The following HIPK2 variants were observed in gnomAD, a reference collection of about 807,000 sequenced individuals.
HIPK2 encodes the protein homeodomain interacting protein kinase 2, also known as homeodomain-interacting protein kinase 2.
In HIPK2, 27 loss-of-function variants were observed where a neutral mutation model predicts 113.7. The observed-to-expected ratio is 0.24, with a 90% CI of 0.17 to 0.33. The LOEUF (loss-of-function observed/expected upper bound fraction) is 0.33, where lower values mean the gene tolerates loss of function less well. Ranked by LOEUF, HIPK2 falls within the 10% of genes least tolerant of loss-of-function variation. HIPK2 has a pLI of 1.00. For synonymous variants in HIPK2, 631 were observed against 642.2 expected, an observed-to-expected ratio of 0.98 and a Z score of 0.26; for missense variants, 1,257 against 1,588.0, an observed-to-expected ratio of 0.79 and a Z score of 3.54.
intron 2 of HIPK2, among the ~76,000 whole-genome samples, chr7:139,665,385 CCTT>C (rs1477415277): frequency 1.3e-5 from 2 of 152,268 alleles, no homozygotes; most frequent in East Asian, 3.9e-4. Context: ...GGATCCCAAC[CCTT>C]CTTCTTTTTT....
chr7:139,670,749 TTC>T (rs1802243856), intron 2 of HIPK2, among the ~76,000 whole-genome samples: 1 of 83,752 alleles, frequency 1.2e-5, no homozygotes, highest in Admixed American at 1.5e-4. Flanking sequence ...CTTTCTTTCT[TTC>T]TTTCTTTCTT....
intron 13 of HIPK2, among the ~76,000 whole-genome samples, chr7:139,581,214 C>A (rs1798657590): frequency 6.6e-6 from 1 of 152,052 alleles, no homozygotes; most frequent in Non-Finnish European, 1.5e-5. Flanking sequence ...AGCGAGACTC[C>A]TCTCCGGAAA....
At position 139,566,879 on chromosome 7, in the gene HIPK2, C is replaced by T. The variant is rs892673263; in HGVS notation, c.*6048G>A. On this transcript the variant is annotated 3_prime_UTR_variant, in exon 15 of 15. Transcript: ENST00000406875. The surrounding 1 kb of genome is among the most constrained non-coding windows in gnomAD (Gnocchi z 4.1). ...CTTGGGCAAGTCCAGCGGGGGGCAT[C>T]GGGAAGACCCTCTCTGGTGCTGGTG... 2.0e-4 allele frequency: 31 copies of T among 152,246 alleles called. No homozygotes were observed. Among genetic ancestry groups the T allele is most frequent in the Non-Finnish European group, 3.2e-4 (22 of 68,064 alleles). The allele number at this position is 152,246 out of a possible 1,614,324, so 9.4% of individuals were successfully genotyped here.
In HIPK2 at chr7:139,679,068, C is replaced by T. The variant is rs141333836; in HGVS notation, c.1103+36864G>A. Among the ~76,000 whole-genome samples, 734 of 152,268 alleles carry T rather than the reference C, an allele frequency of 4.8e-3. 6 individuals carry two copies. Among genetic ancestry groups the T allele is most frequent in the East Asian group, 0.035 (182 of 5,188 alleles). ...AGCTTAAGGAGATTTTGGGCTGAGA[C>T]GATGGGGTTTTTTAAACACACAATC... On this transcript the variant is annotated intron_variant, in intron 2 of 14. Coordinates refer to ENST00000406875, the MANE Select transcript of HIPK2 (RefSeq NM_022740.5).
intron 2 of HIPK2, among the ~76,000 whole-genome samples, chr7:139,665,342 C>T (rs531634699): frequency 5.3e-5 from 8 of 152,264 alleles, no homozygotes; most frequent in Admixed American, 3.3e-4. Context: ...CCCAGAAGGG[C>T]GGACCTGAAA....
At chr7:139,583,659 C>G (rs988483565) in intron 13 of HIPK2, 158 bp downstream of exon 13, 74 of 1,082,158 alleles carry the variant, frequency 6.8e-5, no homozygotes, top group Non-Finnish European at 7.5e-5. Context: ...GCAGAAGCCT[C>G]CCCTGGATAC....
At chr7:139,622,724 T>C (rs1800277107) in intron 6 of HIPK2, among the ~76,000 whole-genome samples, 2 of 152,192 alleles carry the variant, frequency 1.3e-5, no homozygotes, top group African/African-American at 4.8e-5. Context: ...TCTTCAAGGT[T>C]TTCCCAGCAA....
intron 12 of HIPK2, among the ~76,000 whole-genome samples, chr7:139,587,403 C>T (rs993497590): frequency 6.8e-6 from 1 of 147,790 alleles, no homozygotes. Flanking sequence ...GCAGTAGAAT[C>T]GCTTGAACCC....
chr7:139,731,102 C>T (rs1190960499), intron 1 of HIPK2, among the ~76,000 whole-genome samples: 2 of 152,178 alleles, frequency 1.3e-5, no homozygotes, highest in African/African-American at 4.8e-5. Flanking sequence ...GTTACAGTCA[C>T]CCTATGAAAC....
chr7:139,584,378 G>A (rs1289006339), intron 12 of HIPK2, among the ~76,000 whole-genome samples: 3 of 152,202 alleles, frequency 2.0e-5, no homozygotes, highest in Non-Finnish European at 2.9e-5. Context: ...AGCTGCAGGG[G>A]AGGCACCTGC....
chr7:139,740,174 G>C (rs898675050), intron 1 of HIPK2, among the ~76,000 whole-genome samples: 1 of 152,144 alleles, frequency 6.6e-6, no homozygotes, highest in Non-Finnish European at 1.5e-5. Context: ...CAGGCAAAGC[G>C]CACAGAAGGC....
At chr7:139,655,812 G>C (rs2116506886) in intron 2 of HIPK2, among the ~76,000 whole-genome samples, 1 of 152,284 alleles carries the variant, frequency 6.6e-6, no homozygotes, top group East Asian at 1.9e-4. Context: ...GAATGAATTA[G>C]GGTCAAGAAG....
At chr7:139,691,300 C>T (rs1794398199) in intron 2 of HIPK2, among the ~76,000 whole-genome samples, 1 of 152,218 alleles carries the variant, frequency 6.6e-6, no homozygotes, top group South Asian at 2.1e-4. Context: ...TCAAATAACA[C>T]TGCAGTTGCT....
At chr7:139,701,941 C>T (rs923625544) in intron 2 of HIPK2, among the ~76,000 whole-genome samples, 15,406 of 152,078 alleles carry the variant, frequency 0.1, 1,299 homozygotes, top group African/African-American at 0.21. Context: ...GAGAGAGTGG[C>T]AGAGGGGCAG....
intron 1 of HIPK2, among the ~76,000 whole-genome samples, chr7:139,763,471 C>G (rs1317039237): frequency 9.5e-6 from 1 of 104,778 alleles, no homozygotes; most frequent in Non-Finnish European, 1.8e-5. Context: ...TGCCGGAACA[C>G]GCCCCCCCCC....
rs762867978 is a variant in HIPK2 at position 139,573,155 on chromosome 7, C to T, written c.3369G>A (p.Ser1123=). The change falls in exon 15 of 15, where the codon TCG becomes TCA. Residue 1123 remains serine (S), a synonymous_variant. Coordinates refer to ENST00000406875, the MANE Select transcript of HIPK2 (RefSeq NM_022740.5). ...GCACGGTGTGGCGCGCAGAGCCTTGCGAGGCCACCAGGTGGGCCACGGTGC... is the reference window on the plus strand; with the variant it reads ...GCACGGTGTGGCGCGCAGAGCCTTGTGAGGCCACCAGGTGGGCCACGGTGC... ...STGTVAHLVA[S]QGSARHTVQH... 6.2e-7 allele frequency: 1 copy of T among 1,610,680 alleles called. No individual in the cohort carries two copies. The highest frequency in any genetic ancestry group is 1.1e-5 in the South Asian group (1 of 90,952).
chr7:139,648,708 T>TACGGAGG (rs910393982), intron 2 of HIPK2, among the ~76,000 whole-genome samples: 5 of 152,014 alleles, frequency 3.3e-5, no homozygotes, highest in Admixed American at 1.3e-4. Flanking sequence ...TCTGCATCAT[T>TACGGAGG]ACGGAGGACG....
chr7:139,593,720 T>C (rs780235201), intron 12 of HIPK2, among the ~76,000 whole-genome samples: 1 of 152,028 alleles, frequency 6.6e-6, no homozygotes, highest in Non-Finnish European at 1.5e-5. Flanking sequence ...AAGTAGCAAA[T>C]AGAAAACGAG....
At chr7:139,594,868 T>C (rs1427596516) in intron 12 of HIPK2, among the ~76,000 whole-genome samples, 3 of 152,160 alleles carry the variant, frequency 2.0e-5, no homozygotes, top group Non-Finnish European at 4.4e-5. Context: ...TGGCTCTCTC[T>C]CCCAGGTTTC....
Sources: allele counts gnomAD v4.1 joint callset (sites outside exome capture counted in the v4.1 genomes callset), GRCh38; gene constraint gnomAD v4.1.1; non-coding constraint Gnocchi (gnomAD v3.1); transcripts MANE v1.5; gene names NCBI Gene and HGNC (gene_info 2026-07-23, HGNC 2026-07-21).